The following FANK1 variants were observed in gnomAD, a reference collection of about 807,000 sequenced individuals.
FANK1 encodes fibronectin type 3 and ankyrin repeat domains protein 1.
In FANK1, 44 loss-of-function variants were observed where a neutral mutation model predicts 45.3. The observed-to-expected ratio is 0.97, with a 90% CI of 0.76 to 1.25. FANK1 has a LOEUF of 1.25. Among genes scored for constraint, FANK1 ranks in the 50% most tolerant of loss-of-function variants. FANK1 has a pLI of 0.00. For missense variants in FANK1, 391 were observed against 424.4 expected, an observed-to-expected ratio of 0.92 and a Z score of 0.69; for synonymous variants, 149 against 152.5, an observed-to-expected ratio of 0.98 and a Z score of 0.17.
intron 3 of FANK1, chr10:125,989,201 G>A: frequency 1.5e-6 from 2 of 1,320,830 alleles, no homozygotes; most frequent in Non-Finnish European, 2.1e-6. Context: ...AGACCTCTGA[G>A]CCCTTCAGCC....
At chr10:125,901,992 G>T (rs112988069) in intron 1 of FANK1, among the ~76,000 whole-genome samples, 1 of 152,120 alleles carries the variant, frequency 6.6e-6, no homozygotes, top group Non-Finnish European at 1.5e-5. Flanking sequence ...GGTGTTGCAC[G>T]CCTGTAATCC....
At chr10:125,988,473 C>T in intron 2 of FANK1, 78 bp from the exon 3 acceptor site, 2 of 1,545,012 alleles carry the variant, frequency 1.3e-6, no homozygotes, top group Non-Finnish European at 1.8e-6. Flanking sequence ...TCACTTCCAC[C>T]TGCTCTTCTG....
intron 3 of FANK1, among the ~76,000 whole-genome samples, chr10:125,990,081 G>A (rs567363936): frequency 4.6e-5 from 7 of 152,274 alleles, no homozygotes; most frequent in African/African-American, 1.7e-4. Context: ...GCGATTCCTC[G>A]TGTGGCTTTC....
intron 1 of FANK1, among the ~76,000 whole-genome samples, chr10:125,940,553 C>G (rs901437869): frequency 6.6e-6 from 1 of 152,132 alleles, no homozygotes; most frequent in Non-Finnish European, 1.5e-5. Context: ...GATTTTATAC[C>G]GAGACATTCT....
At chr10:125,897,356 C>T (rs1463865347) in intron 1 of FANK1, among the ~76,000 whole-genome samples, 1 of 152,302 alleles carries the variant, frequency 6.6e-6, no homozygotes, top group African/African-American at 2.4e-5. Context: ...TTGTTTTTAC[C>T]TTTCCAGGGA....
chr10:125,951,480 C>G (rs547092876), intron 1 of FANK1, among the ~76,000 whole-genome samples: 1 of 152,220 alleles, frequency 6.6e-6, no homozygotes, highest in Admixed American at 6.5e-5. Flanking sequence ...GTTCAAGGTA[C>G]TTAGGGACGG....
intron 3 of FANK1, chr10:125,988,966 GTGTGGGC>G: frequency 1.8e-6 from 1 of 545,054 alleles, no homozygotes; most frequent in Non-Finnish European, 3.3e-6. Context: ...GGCCACAGGG[GTGTGGGC>G]TGGGTAAGCC....
At chr10:125,966,777 A>G (rs994306004) in intron 1 of FANK1, among the ~76,000 whole-genome samples, 5 of 152,228 alleles carry the variant, frequency 3.3e-5, no homozygotes, top group Non-Finnish European at 5.9e-5. Context: ...AGTCTAGGCT[A>G]GTAGTTTGTC....
intron 1 of FANK1, among the ~76,000 whole-genome samples, chr10:125,906,325 G>A (rs1382667510): frequency 2.0e-5 from 3 of 151,916 alleles, no homozygotes; most frequent in African/African-American, 7.3e-5. Context: ...AGACCACCCT[G>A]GCCAACATGG....
At chr10:125,968,931 T>C (rs1247298644) in intron 1 of FANK1, among the ~76,000 whole-genome samples, 1 of 152,200 alleles carries the variant, frequency 6.6e-6, no homozygotes, top group East Asian at 1.9e-4. Flanking sequence ...CCCTTTATTA[T>C]TCTATATTCC....
In FANK1 at chr10:125,995,515, A is replaced by G. The variant is rs1952259745; in HGVS notation, c.398+17A>G. On this transcript the variant is annotated intron_variant, in intron 4 of 10. Coordinates refer to ENST00000368693, the MANE Select transcript of FANK1 (RefSeq NM_145235.5). ...TCAAGGAGGGTGAGAGAACTCTGTC[A>G]GTTGTTTTTTTTCCCCCATGCCTAT... The G allele has an allele frequency of 1.9e-6, 3 of 1,612,926 alleles. No homozygotes were observed. The African/African-American group carries it at 4.0e-5, about 22-fold the overall frequency.
At chr10:125,902,699 T>C (rs1235079773) in intron 1 of FANK1, among the ~76,000 whole-genome samples, 3 of 152,218 alleles carry the variant, frequency 2.0e-5, no homozygotes, top group African/African-American at 7.2e-5. Flanking sequence ...GCAAGTAAAC[T>C]TATTTTTTGG....
rs1427114491 is a variant in FANK1 at position 126,009,478 on chromosome 10, G to A, written c.*40G>A. 1 of 1,604,388 alleles carries A rather than the reference G, an allele frequency of 6.2e-7. No individual in the cohort carries two copies. Among genetic ancestry groups the A allele is most frequent in the South Asian group, 1.1e-5 (1 of 89,494 alleles). On this transcript the variant is annotated 3_prime_UTR_variant, in exon 11 of 11. Transcript: ENST00000368693. ...ATCTGCGAAACGCACGTAAAACAAA[G>A]TGAACCGTGACTGTTAAACTAGGGA...
At chr10:126,004,539 C>T (rs1057072380) in intron 6 of FANK1, 8 of 219,984 alleles carry the variant, frequency 3.6e-5, no homozygotes, top group African/African-American at 1.1e-4. Flanking sequence ...TCCCTTCAGC[C>T]GCAGGCAACC....
At chr10:125,994,722 C>A (rs932758791) in intron 3 of FANK1, 1 of 985,256 alleles carries the variant, frequency 1.0e-6, no homozygotes, top group Non-Finnish European at 1.2e-6. Flanking sequence ...CCTTTATTCT[C>A]CCTCTGCTTG....
intron 1 of FANK1, among the ~76,000 whole-genome samples, chr10:125,916,177 A>G (rs1251895185): frequency 6.6e-6 from 1 of 152,096 alleles, no homozygotes; most frequent in Non-Finnish European, 1.5e-5. Flanking sequence ...AGCAGGGACT[A>G]CAGGTGCATG....
chr10:125,952,320 G>A (rs1949291042), intron 1 of FANK1, among the ~76,000 whole-genome samples: 1 of 152,072 alleles, frequency 6.6e-6, no homozygotes, highest in South Asian at 2.1e-4. Flanking sequence ...GCTTAAAATT[G>A]TAAAACTTTG....
chr10:125,948,717 G>A (rs1293332402), intron 1 of FANK1, among the ~76,000 whole-genome samples: 1 of 152,022 alleles, frequency 6.6e-6, no homozygotes, highest in East Asian at 1.9e-4. Context: ...CATTCCTTCT[G>A]AAACTATTCC....
At chr10:125,958,558 C>T (rs940394564) in intron 1 of FANK1, among the ~76,000 whole-genome samples, 2 of 152,060 alleles carry the variant, frequency 1.3e-5, no homozygotes, top group African/African-American at 2.4e-5. Context: ...TTTTGAGGAA[C>T]CTCCATACTG....
Sources: allele counts gnomAD v4.1 joint callset (sites outside exome capture counted in the v4.1 genomes callset), GRCh38; gene constraint gnomAD v4.1.1; transcripts MANE v1.5; gene names NCBI Gene and HGNC (gene_info 2026-07-23, HGNC 2026-07-21).